PHACTR4: variants seen among roughly 807,000 people sequenced by gnomAD.
PHACTR4 encodes protein phosphatase 1, regulatory subunit 124.
A neutral mutation model predicts 72.7 loss-of-function variants in PHACTR4; 51 were observed. That is an observed-to-expected ratio of 0.70 (90% CI 0.56 to 0.89). The LOEUF is 0.89. Ranked by LOEUF, PHACTR4 falls within the 40% of genes least tolerant of loss-of-function variation. PHACTR4 has a pLI of 0.00. For synonymous variants in PHACTR4, 255 were observed against 302.5 expected, an observed-to-expected ratio of 0.84 and a Z score of 1.63; for missense variants, 731 against 861.8, an observed-to-expected ratio of 0.85 and a Z score of 1.90.
At chr1:28,407,748 C>T (rs1654462360) in intron 2 of PHACTR4, among the ~76,000 whole-genome samples, 1 of 152,022 alleles carries the variant, frequency 6.6e-6, no homozygotes, top group Non-Finnish European at 1.5e-5. Flanking sequence ...TTGATAAACC[C>T]ATTATATATT....
At chr1:28,443,951 T>C (rs191653959) in intron 2 of PHACTR4, among the ~76,000 whole-genome samples, 20 of 152,254 alleles carry the variant, frequency 1.3e-4, no homozygotes, top group Middle Eastern at 3.4e-3. Flanking sequence ...AGTAATGGTA[T>C]TGCTGGATCA....
chr1:28,375,073 C>A (rs1651539742), intron 1 of PHACTR4, among the ~76,000 whole-genome samples: 1 of 151,928 alleles, frequency 6.6e-6, no homozygotes, highest in Admixed American at 6.6e-5. Flanking sequence ...CCAAGGCAAG[C>A]AGATCACTTG....
chr1:28,397,525 G>A (rs1029075558), intron 1 of PHACTR4, among the ~76,000 whole-genome samples: 1 of 152,088 alleles, frequency 6.6e-6, no homozygotes, highest in African/African-American at 2.4e-5. Context: ...CACGGGTCTA[G>A]CGTTACAGCA....
intron 1 of PHACTR4, among the ~76,000 whole-genome samples, chr1:28,383,020 T>G (rs1287261346): frequency 6.6e-6 from 1 of 152,062 alleles, no homozygotes; most frequent in Non-Finnish European, 1.5e-5. Context: ...CTCGAACTCC[T>G]GACCTCAAGT....
intron 1 of PHACTR4, among the ~76,000 whole-genome samples, chr1:28,380,417 A>G (rs566943330): frequency 2.0e-5 from 3 of 152,216 alleles, no homozygotes; most frequent in East Asian, 3.9e-4. Flanking sequence ...GTAAACTTGT[A>G]TCATGGAGGT....
At chr1:28,487,087 C>T (rs1660697550) in intron 9 of PHACTR4, among the ~76,000 whole-genome samples, 1 of 152,024 alleles carries the variant, frequency 6.6e-6, no homozygotes, top group Non-Finnish European at 1.5e-5. Flanking sequence ...TAAAATGGGG[C>T]GGGGCACAGT....
At chr1:28,470,743 G>C (rs965523636) in intron 6 of PHACTR4, among the ~76,000 whole-genome samples, 1 of 151,898 alleles carries the variant, frequency 6.6e-6, no homozygotes, top group Non-Finnish European at 1.5e-5. Flanking sequence ...AAGAAAAGAG[G>C]CTGGGTGTGG....
Position 28,491,670 on chromosome 1 carries a change from C to CAAAGGCCAAAA in PHACTR4, c.1899_1900insAAAGGCCAAAA (p.Ala634LysfsTer13). On this transcript the variant is annotated frameshift_variant, in exon 12 of 14. Transcript: ENST00000373839. LOFTEE classifies it high-confidence loss of function. ...TTCAGCTCAGTCAAAGGCCAACTGT[C>CAAAGGCCAAAA]GCTGAACTCCTTGCCAGGAAGATTC... The CAAAGGCCAAAA allele has an allele frequency of 6.2e-7, 1 of 1,613,962 alleles. No individual in the cohort carries two copies. Among genetic ancestry groups the CAAAGGCCAAAA allele is most frequent in the Non-Finnish European group, 8.5e-7 (1 of 1,179,912 alleles).
chr1:28,453,888 G>A, intron 2 of PHACTR4: 1 of 835,158 alleles, frequency 1.2e-6, no homozygotes, highest in South Asian at 1.3e-5. Flanking sequence ...ACCAAAAGAA[G>A]AGGACCCTGG....
chr1:28,477,908 G>A (rs753061351), intron 8 of PHACTR4, among the ~76,000 whole-genome samples: 1 of 151,576 alleles, frequency 6.6e-6, no homozygotes, highest in African/African-American at 2.4e-5. Flanking sequence ...GGCTGGTCTC[G>A]AACTTGTGAG....
chr1:28,447,691 A>G (rs1017097458), intron 2 of PHACTR4, among the ~76,000 whole-genome samples: 3 of 152,152 alleles, frequency 2.0e-5, no homozygotes, highest in Admixed American at 6.6e-5. Flanking sequence ...AACAGTGTGC[A>G]CATTAAGTTG....
chr1:28,455,706 CAAT>C (rs1424231709), intron 2 of PHACTR4, among the ~76,000 whole-genome samples: 5 of 151,984 alleles, frequency 3.3e-5, no homozygotes, highest in African/African-American at 1.2e-4. Flanking sequence ...TTTGAAAAGG[CAAT>C]TGGGCTGATT....
intron 12 of PHACTR4, 79 bp downstream of exon 12, chr1:28,491,866 A>T (rs1406515838): frequency 6.8e-7 from 1 of 1,476,338 alleles, no homozygotes. Context: ...ACTAACTAGA[A>T]GGGAGAACCA....
intron 1 of PHACTR4, among the ~76,000 whole-genome samples, chr1:28,383,240 A>G (rs1269215881): frequency 1.3e-5 from 2 of 152,160 alleles, no homozygotes; most frequent in Non-Finnish European, 2.9e-5. Flanking sequence ...TACCAGTACC[A>G]TGCTGTATTG....
intron 2 of PHACTR4, among the ~76,000 whole-genome samples, chr1:28,447,219 C>G (rs1657546149): frequency 6.6e-6 from 1 of 151,986 alleles, no homozygotes; most frequent in South Asian, 2.1e-4. Context: ...GCCGTATTGG[C>G]CAGGCTGGTC....
intron 1 of PHACTR4, among the ~76,000 whole-genome samples, chr1:28,403,518 A>T (rs1654091144): frequency 6.6e-6 from 1 of 152,136 alleles, no homozygotes; most frequent in East Asian, 1.9e-4. Flanking sequence ...ATGCTACCAC[A>T]GTATACCCTT....
chr1:28,460,150 T>C, intron 3 of PHACTR4, 62 bp from the exon 4 acceptor site: 1 of 1,094,598 alleles, frequency 9.1e-7, no homozygotes, highest in Non-Finnish European at 1.4e-6. Flanking sequence ...ATTAGAATGC[T>C]AAGTGTAAGG....
chr1:28,381,295 G>A (rs1343015946), intron 1 of PHACTR4, among the ~76,000 whole-genome samples: 3 of 121,746 alleles, frequency 2.5e-5, no homozygotes, highest in Non-Finnish European at 4.9e-5. Flanking sequence ...GAGCCACTGC[G>A]CCTGGCCTTT....
chr1:28,401,786 CAG>C (rs1396423832), intron 1 of PHACTR4, among the ~76,000 whole-genome samples: 3 of 152,062 alleles, frequency 2.0e-5, no homozygotes, highest in Non-Finnish European at 2.9e-5. Flanking sequence ...TTTTTAGAGA[CAG>C]GGATTTTACT....
Sources: gnomAD v4.1 joint callset for allele counts (sites outside exome capture counted in the v4.1 genomes callset) on GRCh38, gnomAD v4.1.1 for gene constraint, MANE v1.5 for transcripts, NCBI Gene and HGNC (gene_info 2026-07-23, HGNC 2026-07-21) for gene names.